Variants in LOC128462377 observed in about 807,000 individuals in gnomAD.
chr16:89,414,169 C>T, the LOC128462377 span, among the ~76,000 whole-genome samples: 1 of 152,224 alleles, frequency 6.6e-6, no homozygotes, highest in South Asian at 2.1e-4. Flanking sequence ...AACCTGATTA[C>T]TTTTCCATCT....
chr16:89,320,720 C>T, the LOC128462377 span, among the ~76,000 whole-genome samples: 1 of 152,218 alleles, frequency 6.6e-6, no homozygotes, highest in Non-Finnish European at 1.5e-5. Context: ...CTGGCAGCCC[C>T]GCATCTGTGC....
chr16:89,366,034 A>G, the LOC128462377 span, among the ~76,000 whole-genome samples: 1 of 150,754 alleles, frequency 6.6e-6, no homozygotes, highest in Non-Finnish European at 1.5e-5. Flanking sequence ...CACAAAAGAC[A>G]TGATCTGATC....
At chr16:89,350,711 G>A in the LOC128462377 span, among the ~76,000 whole-genome samples, 1 of 152,228 alleles carries the variant, frequency 6.6e-6, no homozygotes, top group Non-Finnish European at 1.5e-5. Context: ...TCTGTATCAT[G>A]ACTGTGATGG....
the LOC128462377 span, chr16:89,324,576 G>C: frequency 8.8e-6 from 4 of 453,840 alleles, no homozygotes; most frequent in African/African-American, 2.0e-5. Context: ...CTCCATCTGG[G>C]GGGGCATGAT....
At chr16:89,415,853 A>AAAAAAAAAAAACAC in the LOC128462377 span, among the ~76,000 whole-genome samples, 1 of 147,858 alleles carries the variant, frequency 6.8e-6, no homozygotes, top group African/African-American at 2.5e-5. Flanking sequence ...AAAAAAAACA[A>AAAAAAAAAAAACAC]TGGAGAACCA....
chr16:89,406,497 T>C, the LOC128462377 span, among the ~76,000 whole-genome samples: 1 of 152,084 alleles, frequency 6.6e-6, no homozygotes, highest in Non-Finnish European at 1.5e-5. Context: ...CAAGACAACA[T>C]GTTCGTTGGC....
chr16:89,324,291 C>T, the LOC128462377 span: 26 of 1,258,904 alleles, frequency 2.1e-5, no homozygotes, highest in African/African-American at 9.2e-5. Context: ...CTCCGGAACA[C>T]GGACCACCCG....
the LOC128462377 span, among the ~76,000 whole-genome samples, chr16:89,404,636 T>C: frequency 6.6e-6 from 1 of 152,196 alleles, no homozygotes; most frequent in African/African-American, 2.4e-5. Context: ...ACAGACGCAG[T>C]CACTACTATG....
At chr16:89,329,261 C>G in the LOC128462377 span, among the ~76,000 whole-genome samples, 12 of 152,330 alleles carry the variant, frequency 7.9e-5, no homozygotes, top group East Asian at 2.3e-3. Context: ...GACGGGGGAT[C>G]TGAATCAAGT....
the LOC128462377 span, among the ~76,000 whole-genome samples, chr16:89,399,022 T>A: frequency 6.6e-6 from 1 of 152,162 alleles, no homozygotes; most frequent in African/African-American, 2.4e-5. Flanking sequence ...AGCTCCATGC[T>A]CTGTGAGACG....
At chr16:89,404,239 C>A in the LOC128462377 span, among the ~76,000 whole-genome samples, 1 of 152,228 alleles carries the variant, frequency 6.6e-6, no homozygotes, top group Non-Finnish European at 1.5e-5. Context: ...ACTGTAGAAC[C>A]CTGTTCTAGT....
At chr16:89,405,939 G>A in the LOC128462377 span, among the ~76,000 whole-genome samples, 3 of 151,880 alleles carry the variant, frequency 2.0e-5, no homozygotes, top group Non-Finnish European at 2.9e-5. Context: ...GTAAAGCCCC[G>A]TCTCTACTAA....
At chr16:89,383,070 T>C in the LOC128462377 span, among the ~76,000 whole-genome samples, 18 of 152,368 alleles carry the variant, frequency 1.2e-4, no homozygotes, top group African/African-American at 4.1e-4. Flanking sequence ...CTCTCTCGTC[T>C]GGATTCAACT....
At chr16:89,334,283 TG>T in the LOC128462377 span, among the ~76,000 whole-genome samples, 1 of 151,780 alleles carries the variant, frequency 6.6e-6, no homozygotes, top group African/African-American at 2.4e-5. Flanking sequence ...CCCTGCTGAC[TG>T]GGAGTCAACC....
chr16:89,385,567 C>G, the LOC128462377 span, among the ~76,000 whole-genome samples: 1 of 152,150 alleles, frequency 6.6e-6, no homozygotes, highest in African/African-American at 2.4e-5. Context: ...ACCAATTCTC[C>G]AACTCTACTG....
the LOC128462377 span, among the ~76,000 whole-genome samples, chr16:89,334,886 G>C: frequency 6.6e-6 from 1 of 152,148 alleles, no homozygotes; most frequent in African/African-American, 2.4e-5. Flanking sequence ...AGACACGAGT[G>C]TGTCTGCTGT....
chr16:89,329,995 A>AAAAT, the LOC128462377 span, among the ~76,000 whole-genome samples: 2 of 146,212 alleles, frequency 1.4e-5, no homozygotes, highest in East Asian at 4.0e-4. Flanking sequence ...ACCTTGTCTC[A>AAAAT]AAAATAAAAT....
chr16:89,331,132 TGAG>T, the LOC128462377 span, among the ~76,000 whole-genome samples: 7 of 152,072 alleles, frequency 4.6e-5, no homozygotes, highest in African/African-American at 1.7e-4. Context: ...TTTTCTATTT[TGAG>T]GAGAGATGGG....
chr16:89,345,427 G>C, the LOC128462377 span, among the ~76,000 whole-genome samples: 2 of 152,206 alleles, frequency 1.3e-5, no homozygotes, highest in Non-Finnish European at 2.9e-5. Flanking sequence ...AGCACTGGGA[G>C]GCAGTCCCGT....
Sources: allele counts gnomAD v4.1 joint callset (sites outside exome capture counted in the v4.1 genomes callset), GRCh38; gene constraint gnomAD v4.1.1; transcripts MANE v1.5.